DCC: variants seen among roughly 807,000 people sequenced by gnomAD.
DCC encodes DCC netrin 1 receptor.
DCC carries 58 observed loss-of-function variants against 172.5 expected under a neutral mutation model. The ratio of observed to expected loss-of-function variants is 0.34; its 90% CI spans 0.27 to 0.42. The LOEUF is 0.42. Among genes scored for constraint, DCC ranks in the 10% least tolerant of loss-of-function variants. The pLI, the probability that DCC is intolerant of heterozygous loss-of-function variation, is 1.00. For synonymous variants in DCC, 709 were observed against 644.5 expected (o/e 1.10, Z -1.52); for missense variants, 1,740 against 1,791.0 (o/e 0.97, Z 0.51).
intron 7 of DCC, among the ~76,000 whole-genome samples, chr18:53,075,670 C>T (rs1002368576): frequency 2.0e-5 from 3 of 151,848 alleles, no homozygotes; most frequent in Non-Finnish European, 1.5e-5. Flanking sequence ...CTGTATATCA[C>T]CATTTGATGA....
intron 1 of DCC, among the ~76,000 whole-genome samples, chr18:52,632,286 T>G (rs2034691836): frequency 6.6e-6 from 1 of 152,182 alleles, no homozygotes; most frequent in Non-Finnish European, 1.5e-5. Context: ...AAATAGGGAC[T>G]ATGTCAATTT....
chr18:53,199,376 C>T (rs2055500040), intron 9 of DCC, among the ~76,000 whole-genome samples: 1 of 152,104 alleles, frequency 6.6e-6, no homozygotes, highest in Non-Finnish European at 1.5e-5. Flanking sequence ...CAGGCATAAG[C>T]CACTGCATCC....
At chr18:52,593,393 G>A (rs138111319) in intron 1 of DCC, among the ~76,000 whole-genome samples, 1 of 152,274 alleles carries the variant, frequency 6.6e-6, no homozygotes, top group Non-Finnish European at 1.5e-5. Flanking sequence ...TATCATTCAT[G>A]TCAAGACTTT....
At chr18:52,666,691 T>C in intron 1 of DCC, among the ~76,000 whole-genome samples, 1 of 152,308 alleles carries the variant, frequency 6.6e-6, no homozygotes, top group Non-Finnish European at 1.5e-5. Flanking sequence ...TTCTCAAAAA[T>C]TGGAAAGCAC....
intron 2 of DCC, 83 bp from the exon 3 acceptor site, chr18:52,905,961 A>T: frequency 1.0e-6 from 1 of 965,818 alleles, no homozygotes; most frequent in Non-Finnish European, 1.7e-6. Flanking sequence ...ATTTTCTACA[A>T]AGAATACAAA....
At chr18:52,958,185 ATTTC>A (rs1328041080) in intron 5 of DCC, among the ~76,000 whole-genome samples, 2 of 152,088 alleles carry the variant, frequency 1.3e-5, no homozygotes, top group South Asian at 2.1e-4. Flanking sequence ...TATAGTTTCT[ATTTC>A]TTCTATCCTT....
chr18:52,405,395 G>C (rs1174129494), intron 1 of DCC, among the ~76,000 whole-genome samples: 1 of 114,330 alleles, frequency 8.7e-6, no homozygotes, highest in Admixed American at 8.5e-5. Context: ...GTTTTGATTT[G>C]CATTTCTCTG....
intron 5 of DCC, among the ~76,000 whole-genome samples, chr18:52,977,009 T>C (rs905003826): frequency 5.9e-5 from 9 of 152,232 alleles, no homozygotes; most frequent in African/African-American, 2.2e-4. Context: ...ATCACTATTC[T>C]AGGCATTGGT....
At chr18:53,437,430 A>C (rs1023335962) in intron 22 of DCC, among the ~76,000 whole-genome samples, 1 of 151,796 alleles carries the variant, frequency 6.6e-6, no homozygotes, top group Non-Finnish European at 1.5e-5. Flanking sequence ...AACACAAAAA[A>C]TTAGCCAGGA....
chr18:52,471,264 T>G (rs1198899338), intron 1 of DCC, among the ~76,000 whole-genome samples: 3 of 152,262 alleles, frequency 2.0e-5, no homozygotes, highest in East Asian at 3.9e-4. Flanking sequence ...GTGGGAGGAC[T>G]GCTTGAGCCC....
Position 52,369,307 on chromosome 18 carries a change from A to G in DCC, c.91+28429A>G, listed in dbSNP as rs1307807051. On this transcript the variant is annotated intron_variant, in intron 1 of 28. Transcript: ENST00000442544. ...ATTCCTCCCCACTTTAGATCCTTCA[A>G]TAGTTAGATTTTTATTTGCAAATTG... Among the ~76,000 whole-genome samples, 5 of 151,744 alleles carry G rather than the reference A, an allele frequency of 3.3e-5. No homozygotes were observed. The East Asian group carries it at 7.8e-4, about 24-fold the overall frequency.
chr18:53,187,032 A>G (rs1262627069), intron 9 of DCC, among the ~76,000 whole-genome samples: 1 of 152,142 alleles, frequency 6.6e-6, no homozygotes, highest in East Asian at 1.9e-4. Context: ...GATTATTATA[A>G]TATTTGCATT....
intron 7 of DCC, among the ~76,000 whole-genome samples, chr18:53,116,517 T>C: frequency 6.6e-6 from 1 of 151,750 alleles, no homozygotes; most frequent in Non-Finnish European, 1.5e-5. Context: ...CATGGTTTTG[T>C]TTTCCTGATG....
intron 2 of DCC, among the ~76,000 whole-genome samples, chr18:52,839,262 C>T (rs2038764289): frequency 6.6e-6 from 1 of 152,068 alleles, no homozygotes; most frequent in African/African-American, 2.4e-5. Context: ...AGTGTTTGCA[C>T]GTGTATGTGT....
At chr18:53,307,931 A>G (rs530297465) in intron 13 of DCC, among the ~76,000 whole-genome samples, 4,866 of 120,752 alleles carry the variant, frequency 0.04, 208 homozygotes, top group Non-Finnish European at 0.059. Flanking sequence ...ATATATATAT[A>G]TATATATATA....
chr18:52,440,215 A>T (rs1205550924), intron 1 of DCC, among the ~76,000 whole-genome samples: 2 of 152,140 alleles, frequency 1.3e-5, no homozygotes, highest in East Asian at 3.9e-4. Flanking sequence ...GTTACAAAGG[A>T]TGGGATCTTC....
chr18:52,597,707 C>A (rs1041064988), intron 1 of DCC, among the ~76,000 whole-genome samples: 1 of 151,916 alleles, frequency 6.6e-6, no homozygotes, highest in Admixed American at 6.6e-5. Flanking sequence ...CCTACAGGCA[C>A]GTTGGTGAGA....
At chr18:53,053,496 A>G (rs1405646657) in intron 5 of DCC, among the ~76,000 whole-genome samples, 1 of 152,164 alleles carries the variant, frequency 6.6e-6, no homozygotes, top group Non-Finnish European at 1.5e-5. Context: ...GTTATGTGTT[A>G]TAATCTACCA....
chr18:52,721,476 G>A (rs948070904), intron 1 of DCC, among the ~76,000 whole-genome samples: 1 of 152,144 alleles, frequency 6.6e-6, no homozygotes. Flanking sequence ...TTATCAACTA[G>A]GCACTGGGTT....
Sources: allele counts gnomAD v4.1 joint callset (sites outside exome capture counted in the v4.1 genomes callset), GRCh38; gene constraint gnomAD v4.1.1; transcripts MANE v1.5; gene names NCBI Gene and HGNC (gene_info 2026-07-23, HGNC 2026-07-21).